The following SYNPO variants were observed in gnomAD, a reference collection of about 807,000 sequenced individuals.
SYNPO encodes synaptopodin.
SYNPO carries 19 observed loss-of-function variants against 49.5 expected under a neutral mutation model. The observed-to-expected ratio is 0.38, with a 90% CI of 0.27 to 0.56. The LOEUF is 0.56. Ranked by LOEUF, SYNPO falls within the 20% of genes least tolerant of loss-of-function variation. The pLI is 0.68. For missense variants in SYNPO, 1,131 were observed against 1,248.3 expected (o/e 0.91, Z 1.42); for synonymous variants, 536 against 548.0 (o/e 0.98, Z 0.31).
At chr5:150,623,090 T>G (rs985467215) in intron 2 of SYNPO, among the ~76,000 whole-genome samples, 1 of 152,198 alleles carries the variant, frequency 6.6e-6, no homozygotes, top group African/African-American at 2.4e-5. Flanking sequence ...ACGTCTCAGA[T>G]TTGCTTACAG....
chr5:150,605,759 T>TACAC (rs34727103), intron 1 of SYNPO, among the ~76,000 whole-genome samples: 2,784 of 142,222 alleles, frequency 0.02, 56 homozygotes, highest in African/African-American at 0.053. Context: ...CACACACACA[T>TACAC]ACACACACAC....
chr5:150,609,101 G>C (rs1420570347), intron 1 of SYNPO, among the ~76,000 whole-genome samples: 1 of 152,166 alleles, frequency 6.6e-6, no homozygotes, highest in African/African-American at 2.4e-5. Flanking sequence ...GCACCTGCCA[G>C]TTTCTGTGGT....
intron 1 of SYNPO, among the ~76,000 whole-genome samples, chr5:150,641,926 C>T (rs1209036852): frequency 6.6e-6 from 1 of 152,224 alleles, no homozygotes; most frequent in African/African-American, 2.4e-5. Context: ...CTTGTTTCTC[C>T]TCTTTCCAGA....
Position 150,657,095 on chromosome 5 carries a change from C to T in SYNPO, c.*8C>T, listed in dbSNP as rs1334948948. 10 of 1,514,924 alleles carry T rather than the reference C, an allele frequency of 6.6e-6. No individual in the cohort carries two copies. Among genetic ancestry groups the T allele is most frequent in the African/African-American group, 1.4e-5 (1 of 72,928 alleles). The allele number at this position is 1,514,924 out of a possible 1,614,324, so 93.8% of individuals were successfully genotyped here. Reference sequence around the variant, plus strand: ...GCCTCCTGCACCACCTAGAGCCCCACCCCCGACCCCACCCCGGGAGGGCAG... The same window carrying T: ...GCCTCCTGCACCACCTAGAGCCCCATCCCCGACCCCACCCCGGGAGGGCAG... On this transcript the variant is annotated 3_prime_UTR_variant, in exon 3 of 3. Transcript: ENST00000307662.
At chr5:150,597,162 T>TTA (rs1275639909), upstream of SYNPO, among the ~76,000 whole-genome samples, 31 of 152,266 alleles carry the variant, frequency 2.0e-4, no homozygotes, top group African/African-American at 7.2e-4. Flanking sequence ...TAACGCCTCT[T>TTA]ACTCTGAGCC....
chr5:150,625,062 T>A (rs1285017648), intron 2 of SYNPO, among the ~76,000 whole-genome samples: 1 of 152,134 alleles, frequency 6.6e-6, no homozygotes, highest in Non-Finnish European at 1.5e-5. Context: ...GCTTCTACAC[T>A]TTGGGCCTCA....
chr5:150,638,728 C>T (rs1053362078), upstream of SYNPO, among the ~76,000 whole-genome samples: 2 of 152,212 alleles, frequency 1.3e-5, no homozygotes, highest in Non-Finnish European at 2.9e-5. Context: ...CTAGGCCCTG[C>T]CCTGACCCTG....
At position 150,633,971 on chromosome 5, in the gene SYNPO, T is replaced by TA. The variant is rs527279591; in HGVS notation, c.401-13965dup. Among the ~76,000 whole-genome samples, 929 of 151,628 alleles carry TA rather than the reference T, an allele frequency of 6.1e-3. 8 individuals are homozygous for TA. Among genetic ancestry groups the TA allele is most frequent in the Middle Eastern group, 0.02 (6 of 294 alleles). On this transcript the variant is annotated intron_variant, in intron 2 of 2. Coordinates refer to the SYNPO transcript ENST00000394243. ...AACGCACCTCTATTAAAATAAAAAT[T>TA]AAAAAAAAGACAATTATATAAATAT... is the stretch of plus-strand genomic sequence containing the variant.
intron 2 of SYNPO, among the ~76,000 whole-genome samples, chr5:150,655,113 G>A (rs1002951750): frequency 3.9e-5 from 6 of 152,144 alleles, no homozygotes; most frequent in African/African-American, 4.8e-5. Context: ...CAACAAGAGC[G>A]AAACTCCATC....
At chr5:150,604,888 A>G (rs1581446473) in intron 1 of SYNPO, among the ~76,000 whole-genome samples, 1 of 152,152 alleles carries the variant, frequency 6.6e-6, no homozygotes, top group African/African-American at 2.4e-5. Context: ...ATGCCCTAAG[A>G]TGAGAGAAGA....
At chr5:150,647,859 G>C (rs144420166) in intron 1 of SYNPO, 85 bp from the exon 2 acceptor site, 1 of 1,260,574 alleles carries the variant, frequency 7.9e-7, no homozygotes, top group African/African-American at 1.5e-5. Flanking sequence ...GGGCCGAGGC[G>C]ACCATCTCTG....
intron 2 of SYNPO, among the ~76,000 whole-genome samples, chr5:150,619,577 A>T (rs1368294096): frequency 6.6e-6 from 1 of 152,166 alleles, no homozygotes; most frequent in Non-Finnish European, 1.5e-5. Context: ...TCACCTCCAC[A>T]GCCAGCCCAT....
intron 1 of SYNPO, among the ~76,000 whole-genome samples, chr5:150,615,532 C>T (rs1447040425): frequency 6.6e-6 from 1 of 152,212 alleles, no homozygotes; most frequent in African/African-American, 2.4e-5. Context: ...TGCAATGCCA[C>T]AGTTGGACGG....
intron 2 of SYNPO, chr5:150,651,155 G>A: frequency 9.6e-6 from 10 of 1,037,510 alleles, no homozygotes; most frequent in Non-Finnish European, 1.1e-5. Flanking sequence ...GCAGATGTGG[G>A]TGTGCCACAG....
chr5:150,633,828 A>G (rs979197605), intron 2 of SYNPO, among the ~76,000 whole-genome samples: 2 of 152,346 alleles, frequency 1.3e-5, no homozygotes, highest in Non-Finnish European at 2.9e-5. Flanking sequence ...ATTACCGTAT[A>G]TAATTATCAT....
intron 2 of SYNPO, among the ~76,000 whole-genome samples, chr5:150,627,388 A>T (rs1393667806): frequency 6.6e-6 from 1 of 152,100 alleles, no homozygotes; most frequent in Non-Finnish European, 1.5e-5. Context: ...CTGCCCACTC[A>T]CTTACTGTGT....
intron 1 of SYNPO, chr5:150,608,645 CT>C (rs1756759507): frequency 6.6e-6 from 1 of 152,114 alleles, no homozygotes; most frequent in Non-Finnish European, 1.5e-5. Context: ...TGTATGATCT[CT>C]GGGCATCTAC....
At chr5:150,621,986 C>A (rs554623287) in intron 2 of SYNPO, among the ~76,000 whole-genome samples, 1 of 152,324 alleles carries the variant, frequency 6.6e-6, no homozygotes, top group African/African-American at 2.4e-5. Flanking sequence ...GGTAGCGTTT[C>A]TTGAGATTGT....
At chr5:150,651,536 A>G in intron 2 of SYNPO, 1 of 1,001,600 alleles carries the variant, frequency 1.0e-6, no homozygotes, top group African/African-American at 1.7e-5. Flanking sequence ...TGTGAGGGTG[A>G]CCTGGTGAGG....
Sources: allele counts gnomAD v4.1 joint callset (sites outside exome capture counted in the v4.1 genomes callset), GRCh38; gene constraint gnomAD v4.1.1; transcripts MANE v1.5; gene names NCBI Gene and HGNC (gene_info 2026-07-23, HGNC 2026-07-21).